Variants in ARHGEF12 observed in about 807,000 individuals in gnomAD.
ARHGEF12 encodes the protein KMT2A/ARHGEF12 fusion protein.
A neutral mutation model predicts 211.2 loss-of-function variants in ARHGEF12; 66 were observed. The observed-to-expected ratio is 0.31, with a 90% CI of 0.26 to 0.38. ARHGEF12 has a LOEUF of 0.38. Ranked by LOEUF, ARHGEF12 falls within the 10% of genes least tolerant of loss-of-function variation. ARHGEF12 has a pLI of 1.00. For synonymous variants in ARHGEF12, 592 were observed against 638.4 expected (o/e 0.93, Z 1.09); for missense variants, 1,429 against 1,869.5 (o/e 0.76, Z 4.34).
chr11:120,406,035 T>C (rs1292021680), intron 1 of ARHGEF12, 83 bp from the exon 2 acceptor site: 1 of 1,031,274 alleles, frequency 9.7e-7, no homozygotes, highest in Non-Finnish European at 1.4e-6. Flanking sequence ...TCTCTTATTC[T>C]GGTTCAGTAG....
chr11:120,431,215 T>C (rs1300406989), intron 10 of ARHGEF12, among the ~76,000 whole-genome samples: 1 of 151,920 alleles, frequency 6.6e-6, no homozygotes, highest in Non-Finnish European at 1.5e-5. Flanking sequence ...GCTTGAACCA[T>C]GGAGGCGGAG....
intron 30 of ARHGEF12, among the ~76,000 whole-genome samples, chr11:120,470,696 G>A (rs186438555): frequency 3.3e-4 from 50 of 152,324 alleles, no homozygotes; most frequent in Admixed American, 3.1e-3. Context: ...GCTGTTCAGA[G>A]TGTAAAATGA....
intron 25 of ARHGEF12, 63 bp from the exon 26 acceptor site, chr11:120,459,111 C>T: frequency 7.4e-7 from 1 of 1,356,678 alleles, no homozygotes. Flanking sequence ...CAGCTAAAGA[C>T]TATGATTGAT....
At chr11:120,353,555 A>C (rs150751175) in intron 1 of ARHGEF12, among the ~76,000 whole-genome samples, 2 of 152,246 alleles carry the variant, frequency 1.3e-5, no homozygotes, top group Non-Finnish European at 2.9e-5. Context: ...AGCCTCCCTG[A>C]TCTCGCTGTC....
At chr11:120,373,679 T>TTTCTATGTTTTTTTTCCCCC in intron 1 of ARHGEF12, among the ~76,000 whole-genome samples, 1 of 152,210 alleles carries the variant, frequency 6.6e-6, no homozygotes, top group African/African-American at 2.4e-5. Context: ...TTTTTTCACC[T>TTTCTATGTTTTTTTTCCCCC]TTCTATGTTT....
At chr11:120,457,060 G>T in intron 22 of ARHGEF12, 58 bp from the exon 23 acceptor site, 1 of 1,545,868 alleles carries the variant, frequency 6.5e-7, no homozygotes, top group Admixed American at 2.0e-5. Flanking sequence ...ATTTTTTTTG[G>T]TGACCAGTGA....
At chr11:120,470,107 A>G (rs1946825860) in intron 30 of ARHGEF12, among the ~76,000 whole-genome samples, 1 of 152,240 alleles carries the variant, frequency 6.6e-6, no homozygotes, top group African/African-American at 2.4e-5. Context: ...CCAACTCATA[A>G]AGGCCCTAGA....
chr11:120,481,559 G>T lies in ARHGEF12; in HGVS notation c.4537G>T (p.Asp1513Tyr). 6.2e-7 allele frequency: 1 copy of T among 1,614,004 alleles called. No homozygotes were observed. Among genetic ancestry groups the T allele is most frequent in the South Asian group, 1.1e-5 (1 of 91,042 alleles). Residue 1513 changes from aspartate to tyrosine, a missense_variant, in exon 39 of 41, where the codon GAC (aspartate) becomes TAC (tyrosine). By Grantham distance (160) the Asp-to-Tyr change is radical. Around this residue, in one of 7 missense-constraint regions of ARHGEF12, gnomAD observed 467 missense variants for 468.4 expected, o/e 1.00. Coordinates refer to ENST00000397843, the MANE Select transcript of ARHGEF12 (RefSeq NM_015313.3). ...IMEYIHKIEA[D>Y]LEHLKKVEES... ...GGAGTACATTCATAAGATAGAGGCTGACCTTGAACACTTAAAGGTACCTCA... is the reference window on the plus strand; with the variant it reads ...GGAGTACATTCATAAGATAGAGGCTTACCTTGAACACTTAAAGGTACCTCA...
At chr11:120,457,992 T>C in intron 24 of ARHGEF12, 88 bp from the exon 25 acceptor site, 2 of 1,438,028 alleles carry the variant, frequency 1.4e-6, no homozygotes, top group Non-Finnish European at 1.9e-6. Context: ...AGGAATCTGA[T>C]TAGAATTTAT....
At chr11:120,338,180 C>G (rs1942416004) in intron 1 of ARHGEF12, among the ~76,000 whole-genome samples, 2 of 152,188 alleles carry the variant, frequency 1.3e-5, no homozygotes, top group African/African-American at 4.8e-5. Context: ...GCATGCTAGT[C>G]CCAAATTTGT....
intron 1 of ARHGEF12, among the ~76,000 whole-genome samples, chr11:120,346,263 G>A (rs1942716404): frequency 6.6e-6 from 1 of 152,212 alleles, no homozygotes; most frequent in African/African-American, 2.4e-5. Flanking sequence ...TTACAACACT[G>A]CTTTTCTTCT....
At position 120,487,035 on chromosome 11, in the gene ARHGEF12, A is replaced by T. The variant is rs1947413574; in HGVS notation, c.*1958A>T. On this transcript the variant is annotated 3_prime_UTR_variant, in exon 41 of 41. Coordinates refer to ENST00000397843, the MANE Select transcript of ARHGEF12 (RefSeq NM_015313.3). Reference sequence around the variant, plus strand: ...AACCAAATGGTTACATTGTGCTGCTAGAAATAATGTCATTCTCAATTAAAA... The same window carrying T: ...AACCAAATGGTTACATTGTGCTGCTTGAAATAATGTCATTCTCAATTAAAA... 1 of 216,314 alleles carries T rather than the reference A, an allele frequency of 4.6e-6. No homozygotes were observed. Among genetic ancestry groups the T allele is most frequent in the South Asian group, 1.9e-4 (1 of 5,376 alleles). 13.4% of individuals were successfully genotyped at this position (216,314 alleles called of 1,614,324 possible).
intron 14 of ARHGEF12, 55 bp downstream of exon 14, chr11:120,441,872 A>G (rs994068702): frequency 1.5e-4 from 226 of 1,511,876 alleles, no homozygotes; most frequent in African/African-American, 2.8e-5. Context: ...TTCATGTGCC[A>G]TAGAACTTTT....
At chr11:120,474,480 A>T in intron 31 of ARHGEF12, 80 bp from the exon 32 acceptor site, 1 of 914,044 alleles carries the variant, frequency 1.1e-6, no homozygotes, top group Non-Finnish European at 1.6e-6. Context: ...GAATTTCTTT[A>T]AAAGAGACTG....
At chr11:120,396,256 G>A (rs1944379067) in intron 1 of ARHGEF12, among the ~76,000 whole-genome samples, 1 of 152,138 alleles carries the variant, frequency 6.6e-6, no homozygotes, top group Non-Finnish European at 1.5e-5. Context: ...AAATACATGG[G>A]TGAGAAAACA....
chr11:120,445,900 A>C (rs1239226724), intron 16 of ARHGEF12, among the ~76,000 whole-genome samples: 1 of 151,322 alleles, frequency 6.6e-6, no homozygotes, highest in Non-Finnish European at 1.5e-5. Flanking sequence ...ACTCTGTCTC[A>C]AAAAAAATAA....
In ARHGEF12 at chr11:120,465,320, A is replaced by G. The variant is rs2135929290; in HGVS notation, c.2697A>G (p.Lys899=). 6.2e-7 allele frequency: 1 copy of G among 1,614,164 alleles called. No homozygotes were observed. The highest frequency in any genetic ancestry group is 1.1e-5 in the South Asian group (1 of 91,084). Residue 899 remains lysine, a synonymous_variant, in exon 28 of 41, where the codon AAA becomes AAG. Coordinates refer to ENST00000397843, the MANE Select transcript of ARHGEF12 (RefSeq NM_015313.3). ...SNQPFALEMI[K]SRQKKDSRFQ... ...AACCTTTCGCCCTGGAAATGATCAA[A>G]TCTCGTCAGAAAAAGGATTCTCGAT... is the stretch of plus-strand genomic sequence containing the variant.
intron 28 of ARHGEF12, 48 bp downstream of exon 28, chr11:120,465,410 C>T: frequency 6.2e-7 from 1 of 1,605,644 alleles, no homozygotes; most frequent in South Asian, 1.1e-5. Flanking sequence ...AAGTTTTTAT[C>T]AATTATCAGA....
chr11:120,488,901 C>G lies in ARHGEF12; in HGVS notation c.*3824C>G, dbSNP rs1947467531. On this transcript the variant is annotated 3_prime_UTR_variant, in exon 41 of 41. Coordinates refer to ENST00000397843, the MANE Select transcript of ARHGEF12 (RefSeq NM_015313.3). ...ATCCAGATGTACCTTTGTAAAATAG[C>G]TCTTTTATGAATTAGCTGATAAGGC... The G allele has an allele frequency of 4.6e-6, 1 of 215,686 alleles. No individual in the cohort carries two copies. 13.4% of individuals were successfully genotyped at this position (215,686 alleles called of 1,614,324 possible). A position where few individuals can be genotyped will look rare whatever the true frequency, so the allele number is the denominator to read the frequency against.
Sources: gnomAD v4.1 joint callset for allele counts (sites outside exome capture counted in the v4.1 genomes callset) on GRCh38, gnomAD v4.1.1 for gene constraint, gnomAD v4.1.1 regional missense constraint, MANE v1.5 for transcripts, NCBI Gene and HGNC (gene_info 2026-07-23, HGNC 2026-07-21) for gene names.